CELF5: variants seen among roughly 807,000 people sequenced by gnomAD.
CELF5 encodes the protein CUG-BP and ETR-3 like factor 5.
A neutral mutation model predicts 54.9 loss-of-function variants in CELF5; 6 were observed. That is an observed-to-expected ratio of 0.11 (90% CI 0.06 to 0.22). The LOEUF (loss-of-function observed/expected upper bound fraction) is 0.22, where lower values mean the gene tolerates loss of function less well. CELF5 is among the 10% of genes least tolerant of loss of function. CELF5 has a pLI of 1.00. For synonymous variants in CELF5, 271 were observed against 290.9 expected, an observed-to-expected ratio of 0.93 and a Z score of 0.70; for missense variants, 401 against 678.6, an observed-to-expected ratio of 0.59 and a Z score of 4.54.
intron 2 of CELF5, among the ~76,000 whole-genome samples, chr19:3,251,776 G>T (rs1161054579): frequency 6.7e-6 from 1 of 150,158 alleles, no homozygotes; most frequent in Non-Finnish European, 1.5e-5. Flanking sequence ...CCAGGTTCAA[G>T]TGATTCTCCT....
At position 3,245,411 on chromosome 19, in the gene CELF5, T is replaced by C. The variant is rs369367577; in HGVS notation, c.260-5574T>C. Among the ~76,000 whole-genome samples, 915 of 150,782 alleles carry C rather than the reference T, an allele frequency of 6.1e-3. 10 individuals are homozygous for C. The highest frequency in any genetic ancestry group is 0.021 in the African/African-American group (869 of 41,010). On this transcript the variant is annotated intron_variant, in intron 1 of 12. Transcript: ENST00000292672. ...ATCTGTGTGTGTGTGCGTGTGTGTG[T>C]GGTGTGTGGTGTGTGTGTGTGTGGT... is the stretch of plus-strand genomic sequence containing the variant.
intron 2 of CELF5, among the ~76,000 whole-genome samples, chr19:3,266,121 A>G (rs558262743): frequency 6.6e-6 from 1 of 152,250 alleles, no homozygotes; most frequent in East Asian, 1.9e-4. Flanking sequence ...ACTTTTAATT[A>G]CATTTAAATT....
At chr19:3,290,424 C>T (rs888672506) in intron 11 of CELF5, 50 bp downstream of exon 11, 10 of 1,603,420 alleles carry the variant, frequency 6.2e-6, no homozygotes, top group Non-Finnish European at 8.5e-6. Context: ...CTCGCCTGCC[C>T]CCTGACAGGG....
intron 2 of CELF5, among the ~76,000 whole-genome samples, chr19:3,265,128 G>A (rs1406756210): frequency 6.6e-6 from 1 of 152,164 alleles, no homozygotes; most frequent in Non-Finnish European, 1.5e-5. Context: ...CTTGAGCCCA[G>A]GAGTTCCAGA....
intron 2 of CELF5, among the ~76,000 whole-genome samples, chr19:3,252,315 G>A (rs901720072): frequency 1.2e-4 from 18 of 152,328 alleles, no homozygotes; most frequent in African/African-American, 3.8e-4. Context: ...GATTACAGGT[G>A]TGAGCCAGCA....
intron 1 of CELF5, chr19:3,225,664 C>G: frequency 1.1e-6 from 1 of 908,118 alleles, no homozygotes; most frequent in South Asian, 5.0e-5. Flanking sequence ...CTCGGGGGGA[C>G]GCGCCCGCCT....
intron 2 of CELF5, chr19:3,270,479 C>T (rs1271956657): frequency 6.6e-6 from 1 of 151,076 alleles, no homozygotes; most frequent in Admixed American, 6.6e-5. Flanking sequence ...AGACCCAGAT[C>T]CCCGCCTGGC....
At chr19:3,247,642 T>A (rs1302569115) in intron 1 of CELF5, among the ~76,000 whole-genome samples, 2 of 151,774 alleles carry the variant, frequency 1.3e-5, no homozygotes, top group Non-Finnish European at 1.5e-5. Flanking sequence ...TATGGATTTA[T>A]AATCATTTGT....
chr19:3,290,417 G>A (rs780661318), intron 11 of CELF5, 43 bp downstream of exon 11: 12 of 1,606,848 alleles, frequency 7.5e-6, no homozygotes, highest in South Asian at 2.2e-5. Flanking sequence ...CACCTCCCTC[G>A]CCTGCCCCCT....
chr19:3,246,385 C>G lies in CELF5; in HGVS notation c.260-4600C>G, dbSNP rs548019076. On this transcript the variant is annotated intron_variant, in intron 1 of 12. Transcript: ENST00000292672. ...TCTCTCTCTCTCTCTCTCTCTGGCT[C>G]TCTCTCTCTCTCATATGTATATATA... is the stretch of plus-strand genomic sequence containing the variant. Among the ~76,000 whole-genome samples the G allele has an allele frequency of 1.1e-3, 167 of 148,914 alleles. 2 individuals carry two copies. Among genetic ancestry groups the G allele is most frequent in the African/African-American group, 4.0e-3 (163 of 40,380 alleles).
chr19:3,232,953 A>G (rs915646648), intron 1 of CELF5, among the ~76,000 whole-genome samples: 17 of 152,118 alleles, frequency 1.1e-4, no homozygotes, highest in African/African-American at 3.6e-4. Context: ...GCATGTCTGT[A>G]ATCCCAGCTA....
At chr19:3,279,479 C>T (rs2080112082) in intron 5 of CELF5, among the ~76,000 whole-genome samples, 1 of 152,128 alleles carries the variant, frequency 6.6e-6, no homozygotes, top group Admixed American at 6.5e-5. Context: ...TTCCCAAGCT[C>T]AGAGATGTCC....
chr19:3,254,668 C>T (rs2079696892), intron 2 of CELF5, among the ~76,000 whole-genome samples: 1 of 151,958 alleles, frequency 6.6e-6, no homozygotes. Context: ...TCCCTCCATT[C>T]TCCCATCCAG....
chr19:3,259,593 C>T (rs921858265), intron 2 of CELF5, among the ~76,000 whole-genome samples: 5 of 152,150 alleles, frequency 3.3e-5, no homozygotes, highest in African/African-American at 9.7e-5. Context: ...TCTCCCTCCC[C>T]ACTCAGGGTG....
chr19:3,291,786 G>A (rs2080353514), intron 11 of CELF5, among the ~76,000 whole-genome samples: 1 of 151,930 alleles, frequency 6.6e-6, no homozygotes. Context: ...AGAGGGGACA[G>A]GGGAGGGTGA....
intron 2 of CELF5, among the ~76,000 whole-genome samples, chr19:3,260,772 G>A (rs1190169810): frequency 1.3e-5 from 2 of 151,734 alleles, no homozygotes; most frequent in African/African-American, 4.8e-5. Context: ...ACAGGCGCCC[G>A]CCACCATGAC....
rs776563322 is a variant in CELF5 at position 3,284,961 on chromosome 19, A to G, written c.1099A>G (p.Thr367Ala). 12 of 1,610,724 alleles carry G rather than the reference A, an allele frequency of 7.5e-6. No homozygotes were observed. The highest frequency in any genetic ancestry group is 1.9e-4 in the Middle Eastern group (1 of 5,400). ...HPAFSGVQQY[T>A]AMYPTAAITP... Reference sequence around the variant, plus strand: ...TGCCTTCTCCGGAGTCCAGCAGTACACAGGTAGGAGGCAGCCCGCGTGCCC... The same window carrying G: ...TGCCTTCTCCGGAGTCCAGCAGTACGCAGGTAGGAGGCAGCCCGCGTGCCC... The change falls in exon 9 of 13, where the codon ACA becomes GCA. Residue 367 changes from threonine (T) to alanine (A), a missense_variant. Thr to Ala is a moderately conservative substitution (Grantham distance 58). Coordinates refer to ENST00000292672, the MANE Select transcript of CELF5 (RefSeq NM_021938.4).
intron 11 of CELF5, 25 bp downstream of exon 11, chr19:3,290,399 T>G (rs1159348431): frequency 6.2e-7 from 1 of 1,610,398 alleles, no homozygotes; most frequent in South Asian, 1.1e-5. Flanking sequence ...ACGCCACCCC[T>G]CCCCATCCAC....
intron 1 of CELF5, among the ~76,000 whole-genome samples, chr19:3,249,155 C>T (rs959073386): frequency 7.9e-5 from 12 of 151,836 alleles, no homozygotes; most frequent in Non-Finnish European, 1.3e-4. Flanking sequence ...CAGCGTGTCC[C>T]TGGGAGACCA....
Sources: gnomAD v4.1 joint callset for allele counts (sites outside exome capture counted in the v4.1 genomes callset) on GRCh38, gnomAD v4.1.1 for gene constraint, MANE v1.5 for transcripts, NCBI Gene and HGNC (gene_info 2026-07-23, HGNC 2026-07-21) for gene names.